RFTN1: variants seen among roughly 807,000 people sequenced by gnomAD.
RFTN1 encodes the protein raftlin.
RFTN1 carries 26 observed loss-of-function variants against 46.5 expected under a neutral mutation model. That is an observed-to-expected ratio of 0.56 (90% CI 0.41 to 0.78). The LOEUF is 0.78. RFTN1 is among the 30% of genes least tolerant of loss of function. The pLI is 0.00. For synonymous variants in RFTN1, 261 were observed against 284.2 expected (o/e 0.92, Z 0.82); for missense variants, 693 against 718.7 (o/e 0.96, Z 0.41).
In RFTN1 at chr3:16,356,599, C is replaced by T. The variant is rs1385777986; in HGVS notation, c.1146+1333G>A. Among the ~76,000 whole-genome samples the T allele has an allele frequency of 6.6e-6, 1 of 152,224 alleles. No homozygotes were observed. Among genetic ancestry groups the T allele is most frequent in the Non-Finnish European group, 1.5e-5 (1 of 68,044 alleles). ...ACATCCAACTCACCCCCCACCATCC[C>T]ATCTCCACTTCAATAACCAGGCAAG... is the stretch of plus-strand genomic sequence containing the variant. On this transcript the variant is annotated intron_variant, in intron 7 of 9. Transcript: ENST00000334133. The surrounding 1 kb of genome is among the most constrained non-coding windows in gnomAD (Gnocchi z 4.9).
Position 16,424,795 on chromosome 3 carries a change from C to A in RFTN1, c.332+9056G>T, listed in dbSNP as rs2075259384. ...ATAAAAATCTCATGAACATTTAAAT[C>A]ATTAATAATGTACTTATATACATCT... On this transcript the variant is annotated intron_variant, in intron 3 of 9. Coordinates refer to ENST00000334133, the MANE Select transcript of RFTN1 (RefSeq NM_015150.2). The surrounding 1 kb of genome is among the most constrained non-coding windows in gnomAD (Gnocchi z 4.7). Among the ~76,000 whole-genome samples the A allele has an allele frequency of 6.6e-6, 1 of 152,082 alleles. No individual in the cohort carries two copies. The highest frequency in any genetic ancestry group is 1.5e-5 in the Non-Finnish European group (1 of 68,006).
chr3:16,394,695 C>G (rs950346530), intron 4 of RFTN1, among the ~76,000 whole-genome samples: 1 of 151,728 alleles, frequency 6.6e-6, no homozygotes, highest in Non-Finnish European at 1.5e-5. Context: ...TTTATGCACT[C>G]GCCTGTATTG....
Position 16,429,566 on chromosome 3 carries a change from G to A in RFTN1, c.332+4285C>T, listed in dbSNP as rs1049903699. Reference sequence around the variant, plus strand: ...TCTCATTTACTTAATTAGACTGCAAGTGCTTGGAAGGCAGGCTCCACATTC... The same window carrying A: ...TCTCATTTACTTAATTAGACTGCAAATGCTTGGAAGGCAGGCTCCACATTC... On this transcript the variant is annotated intron_variant, in intron 3 of 9. Transcript: ENST00000334133. This position sits in a 1 kb window ranked among gnomAD's most constrained non-coding sequence, Gnocchi z 6.4. 6.6e-6 allele frequency among the ~76,000 whole-genome samples: 1 copy of A among 152,158 alleles called. No homozygotes were observed. The highest frequency in any genetic ancestry group is 1.5e-5 in the Non-Finnish European group (1 of 68,030).
intron 3 of RFTN1, among the ~76,000 whole-genome samples, chr3:16,432,900 G>GGAAAC (rs1000195434): frequency 6.6e-6 from 1 of 152,202 alleles, no homozygotes; most frequent in African/African-American, 2.4e-5. Flanking sequence ...GGAAAGGAAA[G>GGAAAC]AGGAGTCAGT....
In RFTN1 at chr3:16,327,749, G is replaced by C. The variant is rs2069862875; in HGVS notation, c.1147-873C>G. On this transcript the variant is annotated intron_variant, in intron 7 of 9. Transcript: ENST00000334133. The surrounding 1 kb of genome is among the most constrained non-coding windows in gnomAD (Gnocchi z 4.2). Reference sequence around the variant, plus strand: ...GCACTCCAGCCTGGGTGACAGAGCGGGATTCCCATCTCAAAAAAAAAAACA... The same window carrying C: ...GCACTCCAGCCTGGGTGACAGAGCGCGATTCCCATCTCAAAAAAAAAAACA... 7.0e-6 allele frequency among the ~76,000 whole-genome samples: 1 copy of C among 143,202 alleles called. No individual in the cohort carries two copies. The highest frequency in any genetic ancestry group is 2.6e-5 in the African/African-American group (1 of 38,254). 93.9% of individuals were successfully genotyped at this position (143,202 alleles called of 152,430 possible).
At chr3:16,324,613 A>ACGCC (rs1553718054) in intron 8 of RFTN1, among the ~76,000 whole-genome samples, 1 of 90,800 alleles carries the variant, frequency 1.1e-5, no homozygotes, top group Non-Finnish European at 2.2e-5. Flanking sequence ...AATGTCCCTG[A>ACGCC]CCCCCCCCCT....
Position 16,344,816 on chromosome 3 carries a change from A to T in RFTN1, c.1146+13116T>A, listed in dbSNP as rs936537363. Among the ~76,000 whole-genome samples the T allele has an allele frequency of 2.0e-5, 3 of 152,312 alleles. No homozygotes were observed. Among genetic ancestry groups the T allele is most frequent in the Non-Finnish European group, 4.4e-5 (3 of 68,022 alleles). ...TTGTATTAAAAGCCTTGGCCAGGTG[A>T]ATTTCAAAGAACATATTTCAAGGAG... On this transcript the variant is annotated intron_variant, in intron 7 of 9. Transcript: ENST00000334133. This position sits in a 1 kb window ranked among gnomAD's most constrained non-coding sequence, Gnocchi z 4.4.
At chr3:16,436,704 T>C (rs1223734024) in intron 2 of RFTN1, among the ~76,000 whole-genome samples, 2 of 152,208 alleles carry the variant, frequency 1.3e-5, no homozygotes, top group African/African-American at 4.8e-5. Flanking sequence ...CCTCATTGAT[T>C]TGAGATGCCA....
rs372702937 is a variant in RFTN1, at chr3:16,403,653, A to T, written c.441+5722T>A. ...GTATATAATATATAATATATATATAATATATATTTTATGTATATAATATAT... is the reference window on the plus strand; with the variant it reads ...GTATATAATATATAATATATATATATTATATATTTTATGTATATAATATAT... On this transcript the variant is annotated intron_variant, in intron 4 of 9. Transcript: ENST00000334133. Among the ~76,000 whole-genome samples the T allele has an allele frequency of 3.8e-3, 159 of 42,368 alleles. 2 individuals are homozygous for T. Among genetic ancestry groups the T allele is most frequent in the Non-Finnish European group, 5.0e-3 (120 of 23,986 alleles). 27.8% of individuals were successfully genotyped at this position (42,368 alleles called of 152,430 possible).
In RFTN1 at chr3:16,402,963, T is replaced by G. The variant is rs769656613; in HGVS notation, c.441+6412A>C. Among the ~76,000 whole-genome samples, 3 of 152,136 alleles carry G rather than the reference T, an allele frequency of 2.0e-5. No homozygotes were observed. The highest frequency in any genetic ancestry group is 7.2e-5 in the African/African-American group (3 of 41,424). On this transcript the variant is annotated intron_variant, in intron 4 of 9. Coordinates refer to ENST00000334133, the MANE Select transcript of RFTN1 (RefSeq NM_015150.2). This position sits in a 1 kb window ranked among gnomAD's most constrained non-coding sequence, Gnocchi z 4.5. ...CAACTTGGGGAACAGAGCCCAGAGC[T>G]GAGGGCCTGAAGGCAAAGGCCACCA...
intron 6 of RFTN1, among the ~76,000 whole-genome samples, chr3:16,359,367 C>T (rs1030778360): frequency 2.0e-5 from 3 of 152,096 alleles, no homozygotes; most frequent in Admixed American, 1.3e-4. Flanking sequence ...TATGTTGAAG[C>T]CCTAACCCAC....
chr3:16,333,281 C>G (rs1207839881), intron 7 of RFTN1, among the ~76,000 whole-genome samples: 1 of 152,230 alleles, frequency 6.6e-6, no homozygotes. Context: ...AACATTGAAA[C>G]CAGGCACAAT....
At position 16,353,664 on chromosome 3, in the gene RFTN1, T is replaced by G. The variant is rs2072238422; in HGVS notation, c.1146+4268A>C. Among the ~76,000 whole-genome samples, 1 of 152,072 alleles carries G rather than the reference T, an allele frequency of 6.6e-6. No individual in the cohort carries two copies. The highest frequency in any genetic ancestry group is 2.1e-4 in the South Asian group (1 of 4,824). Reference sequence around the variant, plus strand: ...GGAGATGGGGCCTCTACAGAAGTAATTAAGGTTAAATGAAGTCATACGCAT... The same window carrying G: ...GGAGATGGGGCCTCTACAGAAGTAAGTAAGGTTAAATGAAGTCATACGCAT... On this transcript the variant is annotated intron_variant, in intron 7 of 9. Coordinates refer to ENST00000334133, the MANE Select transcript of RFTN1 (RefSeq NM_015150.2). The surrounding 1 kb of genome is among the most constrained non-coding windows in gnomAD (Gnocchi z 5.4).
chr3:16,390,852 G>A (rs1004028898), intron 4 of RFTN1, among the ~76,000 whole-genome samples: 2 of 152,174 alleles, frequency 1.3e-5, no homozygotes, highest in Non-Finnish European at 2.9e-5. Context: ...CCAACTGAAC[G>A]ATGAATAGTT....
At chr3:16,355,397 T>C (rs1378283487) in intron 7 of RFTN1, among the ~76,000 whole-genome samples, 2 of 152,256 alleles carry the variant, frequency 1.3e-5, no homozygotes, top group African/African-American at 2.4e-5. Context: ...TCAGGCATCT[T>C]GACACTGACC....
intron 4 of RFTN1, among the ~76,000 whole-genome samples, chr3:16,389,567 T>C (rs541473924): frequency 1.3e-5 from 2 of 152,348 alleles, no homozygotes; most frequent in Non-Finnish European, 2.9e-5. Flanking sequence ...ATCTTCAATG[T>C]CCAATAACCC....
At position 16,501,422 on chromosome 3, in the gene RFTN1, C is replaced by G. The variant is rs150456598; in HGVS notation, c.-8-7545G>C. 3.2e-3 allele frequency among the ~76,000 whole-genome samples: 490 copies of G among 152,288 alleles called. 1 individual carries two copies. The highest frequency in any genetic ancestry group is 0.014 in the Middle Eastern group (4 of 294). On this transcript the variant is annotated intron_variant, in intron 1 of 9. Coordinates refer to ENST00000334133, the MANE Select transcript of RFTN1 (RefSeq NM_015150.2). ...AAAGTTCATTTTTACTATCAACTAGCATGCATGCATTTAAATAATGGGGGC... is the reference window on the plus strand; with the variant it reads ...AAAGTTCATTTTTACTATCAACTAGGATGCATGCATTTAAATAATGGGGGC...
At chr3:16,365,302 C>T (rs182008584) in intron 6 of RFTN1, among the ~76,000 whole-genome samples, 52 of 152,296 alleles carry the variant, frequency 3.4e-4, no homozygotes, top group Non-Finnish European at 5.3e-4. Context: ...CCCTCACCAC[C>T]ACTGGCATTA....
In RFTN1 at chr3:16,381,506, T is replaced by C. The variant is rs953073663; in HGVS notation, c.442-3404A>G. Among the ~76,000 whole-genome samples, 1 of 152,166 alleles carries C rather than the reference T, an allele frequency of 6.6e-6. No individual in the cohort carries two copies. The highest frequency in any genetic ancestry group is 1.5e-5 in the Non-Finnish European group (1 of 68,026). ...AACACAAAAGGAAGAATAAGAAATG[T>C]GGCAGAACTGGAGCATGCATGCCTC... is the stretch of plus-strand genomic sequence containing the variant. On this transcript the variant is annotated intron_variant, in intron 4 of 9. Coordinates refer to ENST00000334133, the MANE Select transcript of RFTN1 (RefSeq NM_015150.2). The surrounding 1 kb of genome is among the most constrained non-coding windows in gnomAD (Gnocchi z 4.2).
Sources: allele counts gnomAD v4.1 joint callset (sites outside exome capture counted in the v4.1 genomes callset), GRCh38; gene constraint gnomAD v4.1.1; non-coding constraint Gnocchi (gnomAD v3.1); transcripts MANE v1.5; gene names NCBI Gene and HGNC (gene_info 2026-07-23, HGNC 2026-07-21).